The following DLST variants were observed in gnomAD, a reference collection of about 807,000 sequenced individuals.
The protein encoded by DLST is dihydrolipoyllysine-residue succinyltransferase component of 2-oxoglutarate dehydrogenase complex, mitochondrial.
In DLST, 17 loss-of-function variants were observed where a neutral mutation model predicts 53.1. That is an observed-to-expected ratio of 0.32 (90% CI 0.22 to 0.48). DLST has a LOEUF of 0.48. Ranked by LOEUF, DLST falls within the 20% of genes least tolerant of loss-of-function variation. DLST has a pLI of 0.99. For missense variants in DLST, 512 were observed against 583.9 expected, an observed-to-expected ratio of 0.88 and a Z score of 1.27; for synonymous variants, 206 against 204.8, an observed-to-expected ratio of 1.01 and a Z score of -0.05.
At chr14:74,902,157 C>A in intron 14 of DLST, 39 bp from the exon 15 acceptor site, 1 of 1,498,748 alleles carries the variant, frequency 6.7e-7, no homozygotes, top group Non-Finnish European at 9.0e-7. Context: ...CTGGCTGTGG[C>A]TTGCTGGAGA....
intron 11 of DLST, among the ~76,000 whole-genome samples, 184 bp downstream of exon 11, chr14:74,898,683 C>A (rs1043632369): frequency 1.3e-5 from 2 of 152,260 alleles, no homozygotes; most frequent in African/African-American, 4.8e-5. Context: ...TACTTTCTAC[C>A]CGCCAGCTGG....
chr14:74,901,693 T>C (rs1158880421), intron 14 of DLST, among the ~76,000 whole-genome samples: 6 of 152,198 alleles, frequency 3.9e-5, no homozygotes, highest in African/African-American at 7.2e-5. Context: ...AGAAGATACG[T>C]TGGTATCAAA....
intron 7 of DLST, chr14:74,891,665 G>C (rs915059783): frequency 2.0e-6 from 2 of 984,496 alleles, no homozygotes; most frequent in African/African-American, 1.7e-5. Flanking sequence ...AAACGAATTT[G>C]TACTGGACCT....
chr14:74,890,464 T>G (rs958253356), intron 6 of DLST, among the ~76,000 whole-genome samples: 4 of 152,206 alleles, frequency 2.6e-5, no homozygotes, highest in Admixed American at 2.6e-4. Context: ...ATGTACTTCA[T>G]TTAGTAGCTT....
At chr14:74,882,349 G>A (rs569492098) in intron 1 of DLST, among the ~76,000 whole-genome samples, 1 of 152,218 alleles carries the variant, frequency 6.6e-6, no homozygotes, top group Non-Finnish European at 1.5e-5. Context: ...GGGATTCGGC[G>A]CCCGTCTCGT....
intron 5 of DLST, 179 bp downstream of exon 5, chr14:74,889,528 C>G: frequency 1.7e-6 from 1 of 592,022 alleles, no homozygotes; most frequent in Middle Eastern, 4.6e-4. Flanking sequence ...ACCACCATGC[C>G]TGGCTAAGTT....
intron 10 of DLST, among the ~76,000 whole-genome samples, chr14:74,894,876 C>T (rs1258148793): frequency 6.6e-6 from 1 of 152,046 alleles, no homozygotes; most frequent in Non-Finnish European, 1.5e-5. Flanking sequence ...CAGAGTGAGC[C>T]GCTGGCTTCT....
At chr14:74,898,290 T>C in intron 10 of DLST, 79 bp from the exon 11 acceptor site, 5 of 1,540,270 alleles carry the variant, frequency 3.2e-6, no homozygotes, top group Non-Finnish European at 4.4e-6. Flanking sequence ...CTCACCTAAT[T>C]GTGTATATGG....
At chr14:74,901,365 C>A in intron 14 of DLST, 132 bp downstream of exon 14, 2 of 853,518 alleles carry the variant, frequency 2.3e-6, no homozygotes, top group Non-Finnish European at 3.6e-6. Flanking sequence ...ATAGCTAAGG[C>A]ACTGATTATC....
chr14:74,893,390 C>T lies in DLST; in HGVS notation c.638C>T (p.Pro213Leu). The change falls in exon 9 of 15, where the codon CCA becomes CTA. Residue 213 changes from proline to leucine, a missense_variant. Around this residue, in one of 4 missense-constraint regions of DLST, gnomAD observed 162 missense variants for 162.0 expected, o/e 1.00. Coordinates refer to ENST00000334220, the MANE Select transcript of DLST (RefSeq NM_001933.5). ...ACTGTTGCCCCACCACTAGCTGAGC[C>T]AGGAGCTGGCAAAGGTCTGCGTTCA... ...KPTVAPPLAE[P>L]GAGKGLRSEH... is the part of the protein sequence containing the mutation. 6.2e-7 allele frequency: 1 copy of T among 1,614,174 alleles called. No individual in the cohort carries two copies. The highest frequency in any genetic ancestry group is 8.5e-7 in the Non-Finnish European group (1 of 1,180,036).
chr14:74,890,029 C>T lies in DLST; in HGVS notation c.330+77C>T, dbSNP rs1028863234. 3.2e-5 allele frequency: 42 copies of T among 1,301,946 alleles called. No homozygotes were observed. In the Middle Eastern group the frequency reaches 7.5e-4, roughly 23 times the overall value. 80.6% of individuals were successfully genotyped at this position (1,301,946 alleles called of 1,614,324 possible). On this transcript the variant is annotated intron_variant, in intron 6 of 14. Coordinates refer to ENST00000334220, the MANE Select transcript of DLST (RefSeq NM_001933.5). ...CCTAATGAAAGAAACAGGGACTTAA[C>T]CATTGTTTAGAGATAATTTTTAACT... is the stretch of plus-strand genomic sequence containing the variant.
Position 74,889,791 on chromosome 14 carries a change from G to A in DLST, c.275-106G>A, listed in dbSNP as rs77375226. On this transcript the variant is annotated intron_variant, in intron 5 of 14. Coordinates refer to ENST00000334220, the MANE Select transcript of DLST (RefSeq NM_001933.5). ...TTCTTTACATATGTACTTTCTGCTG[G>A]CCCTGTAGGAAAGGGTTCTTATAAC... 1.6e-3 allele frequency: 1,637 copies of A among 1,029,782 alleles called. 15 individuals carry two copies. The African/African-American group carries it at 0.017, about 11-fold the overall frequency. 63.8% of individuals were successfully genotyped at this position (1,029,782 alleles called of 1,614,324 possible).
intron 5 of DLST, 54 bp from the exon 6 acceptor site, chr14:74,889,843 T>C: frequency 6.3e-7 from 1 of 1,596,226 alleles, no homozygotes; most frequent in Non-Finnish European, 8.6e-7. Context: ...GTTTTGTGGC[T>C]ACTGGAGGCT....
At chr14:74,901,334 A>C in intron 14 of DLST, 101 bp downstream of exon 14, 1 of 1,231,362 alleles carries the variant, frequency 8.1e-7, no homozygotes, top group African/African-American at 1.5e-5. Context: ...TTCAGGCCTA[A>C]GTTCCATTTC....
At chr14:74,888,556 A>G (rs971095709) in intron 3 of DLST, among the ~76,000 whole-genome samples, 3 of 152,062 alleles carry the variant, frequency 2.0e-5, no homozygotes, top group Non-Finnish European at 4.4e-5. Context: ...AAAGTAATTT[A>G]AAAAAATTAT....
chr14:74,901,252 A>G lies in DLST; in HGVS notation c.1227+19A>G. ...AGGCAAGGTAGGAACCGTCACTTCTAAGGTCCTAGTGGCTAGGTCTCGATG... is the reference window on the plus strand; with the variant it reads ...AGGCAAGGTAGGAACCGTCACTTCTGAGGTCCTAGTGGCTAGGTCTCGATG... On this transcript the variant is annotated intron_variant, in intron 14 of 14. Coordinates refer to ENST00000334220, the MANE Select transcript of DLST (RefSeq NM_001933.5). The G allele has an allele frequency of 1.2e-6, 2 of 1,610,070 alleles. No homozygotes were observed. The highest frequency in any genetic ancestry group is 8.5e-7 in the Non-Finnish European group (1 of 1,177,976).
chr14:74,883,729 C>T (rs1275638902), intron 2 of DLST, among the ~76,000 whole-genome samples: 2 of 152,172 alleles, frequency 1.3e-5, no homozygotes, highest in Non-Finnish European at 2.9e-5. Context: ...GACAAGAGAG[C>T]TTAAAAGCCT....
chr14:74,885,502 G>T, intron 2 of DLST, 84 bp from the exon 3 acceptor site: 1 of 1,344,622 alleles, frequency 7.4e-7, no homozygotes, highest in Non-Finnish European at 1.1e-6. Context: ...CTCAGGGTTG[G>T]GGGTGAGCAG....
At chr14:74,901,684 G>T in intron 14 of DLST, among the ~76,000 whole-genome samples, 1 of 152,172 alleles carries the variant, frequency 6.6e-6, no homozygotes, top group East Asian at 1.9e-4. Context: ...CTGGCCCTTA[G>T]AAGATACGTT....
Sources: gnomAD v4.1 joint callset for allele counts (sites outside exome capture counted in the v4.1 genomes callset) on GRCh38, gnomAD v4.1.1 for gene constraint, gnomAD v4.1.1 regional missense constraint, MANE v1.5 for transcripts, NCBI Gene and HGNC (gene_info 2026-07-23, HGNC 2026-07-21) for gene names.